Variants in ZFAND3 observed in about 807,000 individuals in gnomAD.
ZFAND3 encodes AN1-type zinc finger protein 3.
In ZFAND3, 10 loss-of-function variants were observed where a neutral mutation model predicts 29.6. That is an observed-to-expected ratio of 0.34 (90% CI 0.21 to 0.57). The LOEUF (loss-of-function observed/expected upper bound fraction) is 0.57. Among genes scored for constraint, ZFAND3 ranks in the 20% least tolerant of loss-of-function variants. The pLI is 0.86. For synonymous variants in ZFAND3, 128 were observed against 112.6 expected (o/e 1.14, Z -0.87); for missense variants, 230 against 304.5 (o/e 0.76, Z 1.82).
At chr6:37,878,431 A>G (rs1265232723) in intron 1 of ZFAND3, among the ~76,000 whole-genome samples, 1 of 151,880 alleles carries the variant, frequency 6.6e-6, no homozygotes, top group African/African-American at 2.4e-5. Flanking sequence ...CGCTTGATGT[A>G]GCTCTGAGAG....
intron 1 of ZFAND3, among the ~76,000 whole-genome samples, chr6:37,840,540 T>G (rs1156966706): frequency 6.6e-6 from 1 of 152,254 alleles, no homozygotes; most frequent in Non-Finnish European, 1.5e-5. Context: ...CTGTTTTGGG[T>G]CCTTTGAAAT....
intron 1 of ZFAND3, among the ~76,000 whole-genome samples, chr6:37,892,315 G>GGT (rs1233950343): frequency 6.6e-6 from 1 of 152,198 alleles, no homozygotes; most frequent in Non-Finnish European, 1.5e-5. Flanking sequence ...GGATGAGCAG[G>GGT]GTGTGGTAGC....
intron 1 of ZFAND3, among the ~76,000 whole-genome samples, chr6:37,833,593 G>A (rs1320092284): frequency 1.3e-5 from 2 of 152,102 alleles, no homozygotes; most frequent in African/African-American, 2.4e-5. Flanking sequence ...GGGAGGCCGA[G>A]GCAGGCAGAT....
intron 5 of ZFAND3, among the ~76,000 whole-genome samples, chr6:38,145,288 C>T (rs560401638): frequency 2.6e-5 from 4 of 152,236 alleles, no homozygotes; most frequent in Admixed American, 6.5e-5. Context: ...ACAGAACACA[C>T]ACCCAGCCCG....
intron 1 of ZFAND3, among the ~76,000 whole-genome samples, chr6:37,896,572 C>CTTTCTTT (rs58677123): frequency 4.7e-5 from 1 of 21,294 alleles, no homozygotes; most frequent in Non-Finnish European, 1.1e-4. Flanking sequence ...CTTTCTTTCT[C>CTTTCTTT]TCTTTCTCTC....
intron 2 of ZFAND3, among the ~76,000 whole-genome samples, chr6:38,033,764 A>G (rs566493883): frequency 3.3e-5 from 5 of 152,222 alleles, no homozygotes; most frequent in Non-Finnish European, 5.9e-5. Flanking sequence ...AAGCAGGTAG[A>G]TTTTCATGTT....
chr6:37,868,476 T>C (rs1764629605), intron 1 of ZFAND3, among the ~76,000 whole-genome samples: 1 of 152,076 alleles, frequency 6.6e-6, no homozygotes, highest in Non-Finnish European at 1.5e-5. Flanking sequence ...GAATATGGGG[T>C]ACATAGTGGA....
chr6:38,139,347 G>A (rs1295212535), intron 5 of ZFAND3, among the ~76,000 whole-genome samples: 1 of 152,100 alleles, frequency 6.6e-6, no homozygotes, highest in African/African-American at 2.4e-5. Flanking sequence ...CATGGTGCTT[G>A]ATTTTATGAA....
chr6:38,152,242 G>A lies in ZFAND3; in HGVS notation c.537G>A (p.Val179=). Residue 179 remains valine, a synonymous_variant, in exon 6 of 6, where the codon GTG becomes GTA. Transcript: ENST00000287218. ...CTTCTCCCGCTGCTGCAGGTTATGT[G>A]TTCTGTATGTTACATCGCCTCCCCG... ...QELGSCRCGY[V]FCMLHRLPEQ... is the part of the protein sequence containing the mutation. 1 of 1,553,786 alleles carries A rather than the reference G, an allele frequency of 6.4e-7. No individual in the cohort carries two copies. The highest frequency in any genetic ancestry group is 1.2e-5 in the South Asian group (1 of 81,622).
chr6:38,115,849 C>CA (rs1418077907), intron 4 of ZFAND3, among the ~76,000 whole-genome samples: 2 of 151,334 alleles, frequency 1.3e-5, no homozygotes, highest in African/African-American at 2.4e-5. Context: ...TCACAGAGTA[C>CA]ACCCCCCTCC....
chr6:38,144,225 A>ATTTTTTTTT (rs1562016181), intron 5 of ZFAND3, among the ~76,000 whole-genome samples: 2 of 75,534 alleles, frequency 2.6e-5, no homozygotes, highest in East Asian at 7.3e-4. Context: ...TATAATATAT[A>ATTTTTTTTT]TATATATTTT....
At chr6:37,968,877 G>A (rs933231072) in intron 2 of ZFAND3, among the ~76,000 whole-genome samples, 3 of 152,164 alleles carry the variant, frequency 2.0e-5, no homozygotes, top group Admixed American at 1.3e-4. Context: ...AGTAATCTGC[G>A]AACATTATGA....
At chr6:37,902,720 C>G (rs1212525958) in intron 1 of ZFAND3, among the ~76,000 whole-genome samples, 2 of 143,570 alleles carry the variant, frequency 1.4e-5, no homozygotes, top group Non-Finnish European at 3.0e-5. Flanking sequence ...GATGCAGCAG[C>G]AAGCTTCTTT....
At chr6:37,951,574 G>A (rs1464622089) in intron 2 of ZFAND3, among the ~76,000 whole-genome samples, 1 of 152,074 alleles carries the variant, frequency 6.6e-6, no homozygotes, top group Non-Finnish European at 1.5e-5. Flanking sequence ...CAGCCTGGGC[G>A]ACAGGGAGAC....
intron 2 of ZFAND3, among the ~76,000 whole-genome samples, chr6:37,970,987 C>G (rs1762377984): frequency 6.6e-6 from 1 of 152,188 alleles, no homozygotes; most frequent in Non-Finnish European, 1.5e-5. Context: ...TATGAATATC[C>G]TTAGTCTTTC....
At chr6:37,983,916 C>T (rs1473857587) in intron 2 of ZFAND3, among the ~76,000 whole-genome samples, 2 of 152,100 alleles carry the variant, frequency 1.3e-5, no homozygotes, top group Non-Finnish European at 2.9e-5. Context: ...AAAAGATAAC[C>T]CCATTGTTCA....
At chr6:37,975,216 A>G (rs767990659) in intron 2 of ZFAND3, among the ~76,000 whole-genome samples, 1 of 152,048 alleles carries the variant, frequency 6.6e-6, no homozygotes, top group Non-Finnish European at 1.5e-5. Context: ...TATGGTTACA[A>G]TTTGCATTTC....
intron 1 of ZFAND3, among the ~76,000 whole-genome samples, chr6:37,895,892 C>T (rs113917310): frequency 5.3e-4 from 81 of 152,306 alleles, no homozygotes; most frequent in Non-Finnish European, 9.4e-4. Flanking sequence ...ATTTACTCCA[C>T]TACTGAGGCA....
intron 3 of ZFAND3, among the ~76,000 whole-genome samples, chr6:38,075,609 A>G (rs897439281): frequency 2.6e-5 from 4 of 152,264 alleles, no homozygotes; most frequent in Admixed American, 6.5e-5. Flanking sequence ...AGAATATTAC[A>G]TAAACTTAGT....
Sources: gnomAD v4.1 joint callset for allele counts (sites outside exome capture counted in the v4.1 genomes callset) on GRCh38, gnomAD v4.1.1 for gene constraint, MANE v1.5 for transcripts, NCBI Gene and HGNC (gene_info 2026-07-23, HGNC 2026-07-21) for gene names.